The following TMEM132B variants were observed in gnomAD, a reference collection of about 807,000 sequenced individuals.
The protein encoded by TMEM132B is transmembrane protein 132B.
Under a neutral mutation model 90.8 loss-of-function variants are expected in TMEM132B, and 18 were observed. The ratio of observed to expected loss-of-function variants is 0.20; its 90% CI spans 0.14 to 0.29. The LOEUF (loss-of-function observed/expected upper bound fraction) is 0.29, where lower values mean the gene tolerates loss of function less well. Ranked by LOEUF, TMEM132B falls within the 10% of genes least tolerant of loss-of-function variation. The pLI is 1.00. For missense variants in TMEM132B, 1,096 were observed against 1,326.8 expected (o/e 0.83, Z 2.70); for synonymous variants, 504 against 523.3 (o/e 0.96, Z 0.50).
In TMEM132B at chr12:125,280,037, CAG is replaced by C. The variant is rs573870181; in HGVS notation, c.68-69408_68-69407del. On this transcript the variant is annotated intron_variant, in intron 1 of 8. Transcript: ENST00000682704. ...GTTTACAGATGAGAAAACTGAGACA[CAG>C]AGAGAGGAAGTGACCTGTCCTTCGT... Among the ~76,000 whole-genome samples, 432 of 152,270 alleles carry C rather than the reference CAG, an allele frequency of 2.8e-3. 2 individuals are homozygous for C. The highest frequency in any genetic ancestry group is 0.01 in the African/African-American group (416 of 41,550).
At chr12:125,294,949 T>TAA (rs992002373) in intron 1 of TMEM132B, among the ~76,000 whole-genome samples, 3 of 152,112 alleles carry the variant, frequency 2.0e-5, no homozygotes. Context: ...AAACTATGCA[T>TAA]AAAGAAAAAT....
At chr12:125,449,441 G>C (rs1881092221) in intron 3 of TMEM132B, among the ~76,000 whole-genome samples, 1 of 152,002 alleles carries the variant, frequency 6.6e-6, no homozygotes, top group Admixed American at 6.6e-5. Context: ...TTTTATTCCT[G>C]ATATTCATAA....
At chr12:125,480,308 A>C (rs979820754) in intron 3 of TMEM132B, among the ~76,000 whole-genome samples, 2 of 152,114 alleles carry the variant, frequency 1.3e-5, no homozygotes, top group African/African-American at 2.4e-5. Context: ...CAAAAAATCA[A>C]TGAATCCAGG....
intron 1 of TMEM132B, among the ~76,000 whole-genome samples, chr12:125,253,493 G>A (rs191865957): frequency 1.7e-4 from 25 of 148,278 alleles, no homozygotes; most frequent in African/African-American, 5.0e-4. Context: ...GGAGTGCAGT[G>A]GTATAATCAT....
chr12:125,450,959 G>A (rs1881133377), intron 3 of TMEM132B, among the ~76,000 whole-genome samples: 2 of 152,032 alleles, frequency 1.3e-5, no homozygotes, highest in South Asian at 4.1e-4. Flanking sequence ...AATCAGGAGA[G>A]ATCTATTTTT....
At chr12:125,594,411 GTT>G (rs1885391268) in intron 5 of TMEM132B, among the ~76,000 whole-genome samples, 1 of 152,178 alleles carries the variant, frequency 6.6e-6, no homozygotes, top group African/African-American at 2.4e-5. Flanking sequence ...GAACAGAAAG[GTT>G]GTATCATATT....
chr12:125,417,004 C>T (rs1880033422), intron 3 of TMEM132B, among the ~76,000 whole-genome samples: 1 of 152,160 alleles, frequency 6.6e-6, no homozygotes, highest in Admixed American at 6.5e-5. Flanking sequence ...AGGGTTTTGT[C>T]ATCTCACATA....
Position 125,654,899 on chromosome 12 carries a change from C to T in TMEM132B, c.*189C>T, listed in dbSNP as rs1887023647. Reference sequence around the variant, plus strand: ...CTGGGTTTTAAGTTTGGAAATGCCTCTAAAACAGCCACATGTGGGGACTGG... The same window carrying T: ...CTGGGTTTTAAGTTTGGAAATGCCTTTAAAACAGCCACATGTGGGGACTGG... On this transcript the variant is annotated 3_prime_UTR_variant, in exon 9 of 9. Coordinates refer to ENST00000682704, the MANE Select transcript of TMEM132B (RefSeq NM_001366854.1). The surrounding 1 kb of genome is among the most constrained non-coding windows in gnomAD (Gnocchi z 5.8). 3.2e-6 allele frequency: 2 copies of T among 633,844 alleles called. No individual in the cohort carries two copies. Among genetic ancestry groups the T allele is most frequent in the Non-Finnish European group, 5.3e-6 (2 of 380,476 alleles). The allele number at this position is 633,844 out of a possible 1,614,324, so 39.3% of individuals were successfully genotyped here.
At chr12:125,439,857 T>A (rs4765251) in intron 3 of TMEM132B, among the ~76,000 whole-genome samples, 83,436 of 151,970 alleles carry the variant, frequency 0.55, 24,411 homozygotes, top group African/African-American at 0.77. Flanking sequence ...TACCTAGTTT[T>A]TTGACAGTTT....
intron 3 of TMEM132B, among the ~76,000 whole-genome samples, chr12:125,417,592 G>A (rs1160683194): frequency 6.6e-6 from 1 of 152,194 alleles, no homozygotes; most frequent in Admixed American, 6.5e-5. Context: ...CTTATCAGGT[G>A]GGTTTGTGTC....
chr12:125,446,278 G>C (rs988425532), intron 3 of TMEM132B, among the ~76,000 whole-genome samples: 2 of 152,162 alleles, frequency 1.3e-5, no homozygotes, highest in African/African-American at 4.8e-5. Flanking sequence ...AATAGTAGGT[G>C]CTCAATGAAT....
chr12:125,432,145 C>T (rs563387813), intron 3 of TMEM132B, among the ~76,000 whole-genome samples: 15 of 151,750 alleles, frequency 9.9e-5, no homozygotes, highest in East Asian at 3.9e-4. Flanking sequence ...ATTACTCTTG[C>T]GAATCCTGTA....
chr12:125,509,643 CG>C (rs1394563935), intron 3 of TMEM132B, among the ~76,000 whole-genome samples: 2 of 151,852 alleles, frequency 1.3e-5, no homozygotes, highest in African/African-American at 2.4e-5. Flanking sequence ...TTGGGAGTCT[CG>C]GGAGGTAGCA....
intron 1 of TMEM132B, among the ~76,000 whole-genome samples, chr12:125,216,868 G>T (rs1051007568): frequency 6.6e-6 from 1 of 152,166 alleles, no homozygotes; most frequent in Non-Finnish European, 1.5e-5. Context: ...CGGAGGCATC[G>T]AGCAGCTCCT....
intron 3 of TMEM132B, among the ~76,000 whole-genome samples, chr12:125,474,974 T>C (rs1204185684): frequency 6.6e-6 from 1 of 152,218 alleles, no homozygotes. Context: ...GGGTGCTGAT[T>C]GTTCATACCT....
chr12:125,607,151 T>C (rs1176182310), intron 5 of TMEM132B, among the ~76,000 whole-genome samples: 2 of 152,202 alleles, frequency 1.3e-5, no homozygotes, highest in African/African-American at 4.8e-5. Flanking sequence ...TGGTATAGCA[T>C]ACAGAGAACA....
intron 5 of TMEM132B, among the ~76,000 whole-genome samples, chr12:125,600,863 G>C (rs59642273): frequency 0.071 from 10,753 of 152,176 alleles, 426 homozygotes; most frequent in East Asian, 0.13. Context: ...ATAAAAAAAA[G>C]ACAAAGAAGG....
chr12:125,634,865 T>C lies in TMEM132B; in HGVS notation c.1438-9211T>C, dbSNP rs117347309. Among the ~76,000 whole-genome samples the C allele has an allele frequency of 2.2e-4, 34 of 152,292 alleles. No homozygotes were observed. The East Asian group carries it at 5.0e-3, about 23-fold the overall frequency. On this transcript the variant is annotated intron_variant, in intron 5 of 8. Coordinates refer to ENST00000682704, the MANE Select transcript of TMEM132B (RefSeq NM_001366854.1). ...GGAGGGAAGGGGTCTTTTGTGGTAC[T>C]GTAAGCTGTACAGCCTGGGGTTGGG...
chr12:125,366,233 G>C (rs1435388660), intron 2 of TMEM132B, among the ~76,000 whole-genome samples: 1 of 151,012 alleles, frequency 6.6e-6, no homozygotes, highest in African/African-American at 2.4e-5. Flanking sequence ...TAATATTGCT[G>C]TGTGTGTGTG....
Sources: gnomAD v4.1 joint callset for allele counts (sites outside exome capture counted in the v4.1 genomes callset) on GRCh38, gnomAD v4.1.1 for gene constraint, Gnocchi (gnomAD v3.1) non-coding constraint, MANE v1.5 for transcripts, NCBI Gene and HGNC (gene_info 2026-07-23, HGNC 2026-07-21) for gene names.